CHRDL2: variants seen among roughly 807,000 people sequenced by gnomAD.
CHRDL2 encodes the protein chordin like 2, also known as chordin-like protein 2.
In CHRDL2, 41 loss-of-function variants were observed where a neutral mutation model predicts 54.3. The observed-to-expected ratio is 0.76, with a 90% CI of 0.59 to 0.98. The LOEUF is 0.98. CHRDL2 is among the 50% of genes least tolerant of loss of function. CHRDL2 has a pLI of 0.00. For synonymous variants in CHRDL2, 220 were observed against 224.3 expected (o/e 0.98, Z 0.17); for missense variants, 518 against 562.4 (o/e 0.92, Z 0.80).
intron 2 of CHRDL2, among the ~76,000 whole-genome samples, chr11:74,717,138 G>A (rs59246084): frequency 0.022 from 3,360 of 152,110 alleles, 116 homozygotes; most frequent in African/African-American, 0.077. Context: ...TCACTGCCGC[G>A]TGGAGGATGG....
At chr11:74,710,781 C>G (rs2034162878) in intron 4 of CHRDL2, 68 bp downstream of exon 4, 5 of 1,560,186 alleles carry the variant, frequency 3.2e-6, no homozygotes, top group Non-Finnish European at 4.3e-6. Context: ...AGTCCGCAGT[C>G]CAGGCTACTA....
At chr11:74,712,201 C>G (rs1179352534) in intron 3 of CHRDL2, among the ~76,000 whole-genome samples, 1 of 151,840 alleles carries the variant, frequency 6.6e-6, no homozygotes, top group Non-Finnish European at 1.5e-5. Flanking sequence ...CAGGTGAGGG[C>G]TAGGGTGGAT....
rs778830985 is a variant in CHRDL2 at position 74,704,647 on chromosome 11, G to T, written c.590C>A (p.Pro197His). Residue 197 changes from proline to histidine, a missense_variant, in exon 7 of 11, where the codon CCT (proline) becomes CAT (histidine). Coordinates refer to ENST00000376332, the MANE Select transcript of CHRDL2 (RefSeq NM_001278473.3). The stretch of plus-strand genomic sequence containing the variant: ...AGCATCACTGGAACATGGATCCTGA[G>T]GATGTCTCTGCAAATGGCAGGAAGG... ...SVQSLHGVRH[P>H]QDPCSSDAGR... 38 of 1,606,296 alleles carry T rather than the reference G, an allele frequency of 2.4e-5. No homozygotes were observed. Among genetic ancestry groups the T allele is most frequent in the African/African-American group, 5.4e-5 (4 of 74,656 alleles).
chr11:74,706,448 C>A, intron 6 of CHRDL2, 39 bp downstream of exon 6: 2 of 1,604,592 alleles, frequency 1.2e-6, no homozygotes, highest in Non-Finnish European at 1.7e-6. Context: ...GGATCCCAGC[C>A]CCCTGTCCCG....
intron 4 of CHRDL2, among the ~76,000 whole-genome samples, chr11:74,709,276 T>A (rs367632016): frequency 9.2e-5 from 14 of 152,184 alleles, no homozygotes; most frequent in African/African-American, 3.4e-4. Flanking sequence ...CCCCTCCTCA[T>A]CCAGGCCTCA....
intron 2 of CHRDL2, among the ~76,000 whole-genome samples, chr11:74,716,902 G>C (rs1290003068): frequency 1.3e-5 from 2 of 152,162 alleles, no homozygotes; most frequent in Non-Finnish European, 2.9e-5. Context: ...AGACCAACCT[G>C]GGCAACCTGA....
chr11:74,715,571 C>T lies in CHRDL2; in HGVS notation c.196-2092G>A, dbSNP rs567913210. Among the ~76,000 whole-genome samples, 7 of 149,688 alleles carry T rather than the reference C, an allele frequency of 4.7e-5. No individual in the cohort carries two copies. In the South Asian group the frequency reaches 1.5e-3, roughly 32 times the overall value. On this transcript the variant is annotated intron_variant, in intron 2 of 10. Coordinates refer to ENST00000376332, the MANE Select transcript of CHRDL2 (RefSeq NM_001278473.3). ...TGAGCCGAGATTACGACATGGCACT[C>T]CAGCCTGGGCGACAGAGCGAGACTC...
At chr11:74,711,053 A>C in intron 3 of CHRDL2, 62 bp from the exon 4 acceptor site, 2 of 1,539,836 alleles carry the variant, frequency 1.3e-6, no homozygotes, top group South Asian at 2.4e-5. Flanking sequence ...CTTTGCTGAA[A>C]TTAACAAGGC....
rs560356247 is a variant in CHRDL2 at position 74,710,764 on chromosome 11, T to C, written c.432+85A>G. On this transcript the variant is annotated intron_variant, in intron 4 of 10. Coordinates refer to ENST00000376332, the MANE Select transcript of CHRDL2 (RefSeq NM_001278473.3). ...ATTTTGCTTTGGCCAGGAGGAACAATCCCCCCAGTCCGCAGTCCAGGCTAC... is the reference window on the plus strand; with the variant it reads ...ATTTTGCTTTGGCCAGGAGGAACAACCCCCCCAGTCCGCAGTCCAGGCTAC... 4.1e-5 allele frequency: 60 copies of C among 1,477,934 alleles called. 1 individual carries two copies. The highest frequency in any genetic ancestry group is 5.2e-5 in the Non-Finnish European group (58 of 1,104,784). 91.6% of individuals were successfully genotyped at this position (1,477,934 alleles called of 1,614,324 possible).
At chr11:74,723,495 T>C (rs1335522749) in intron 1 of CHRDL2, among the ~76,000 whole-genome samples, 3 of 152,234 alleles carry the variant, frequency 2.0e-5, no homozygotes, top group Non-Finnish European at 2.9e-5. Context: ...AAACTCACTA[T>C]ACCATTTTTT....
chr11:74,696,628 G>T, intron 10 of CHRDL2, 43 bp from the exon 11 acceptor site: 1 of 1,449,538 alleles, frequency 6.9e-7, no homozygotes, highest in Non-Finnish European at 9.7e-7. Flanking sequence ...GTATGTGTCT[G>T]CACGTGCACA....
Position 74,696,545 on chromosome 11 carries a change from C to T in CHRDL2, c.1254G>A (p.Lys418=), listed in dbSNP as rs1282494158. The T allele has an allele frequency of 1.2e-6, 2 of 1,614,012 alleles. No individual in the cohort carries two copies. The highest frequency in any genetic ancestry group is 2.7e-5 in the African/African-American group (2 of 74,928). Residue 418 remains lysine, a synonymous_variant, in exon 11 of 11, where the codon AAG becomes AAA. Transcript: ENST00000376332. ...TCACTTTGTCTGGACTGGCCGTGACCTTCAGCTCCAGGGTCTGGGCTAGGA... is the reference window on the plus strand; with the variant it reads ...TCACTTTGTCTGGACTGGCCGTGACTTTCAGCTCCAGGGTCTGGGCTAGGA... ...NVFLAQTLEL[K]VTASPDKVTK... is the part of the protein sequence containing the mutation.
chr11:74,706,155 A>G (rs2034002617), intron 6 of CHRDL2, among the ~76,000 whole-genome samples: 1 of 152,140 alleles, frequency 6.6e-6, no homozygotes, highest in South Asian at 2.1e-4. Flanking sequence ...TTCCCTGGGA[A>G]GAAGGTTGCC....
chr11:74,697,288 T>G lies in CHRDL2; in HGVS notation c.1130A>C (p.His377Pro), dbSNP rs1301404673. 6.2e-7 allele frequency: 1 copy of G among 1,613,388 alleles called. No individual in the cohort carries two copies. The highest frequency in any genetic ancestry group is 1.3e-5 in the African/African-American group (1 of 74,892). Residue 377 changes from histidine to proline, a missense_variant, in exon 10 of 11, where the codon CAC (histidine) becomes CCC (proline). By Grantham distance (77) the His-to-Pro change is moderately conservative (BLOSUM62 -2). Transcript: ENST00000376332. Reference sequence around the variant, plus strand: ...CCTGACTTTCTTGATCTGAGTCAAGTGGAAGATTCCTGAGGGCAGAGACAA... The same window carrying G: ...CCTGACTTTCTTGATCTGAGTCAAGGGGAAGATTCCTGAGGGCAGAGACAA... ...YLWKLVKGIFHLTQIKKVRKQ... is the reference protein window; with the variant it reads ...YLWKLVKGIFPLTQIKKVRKQ...
At chr11:74,714,372 C>T (rs1291776892) in intron 2 of CHRDL2, among the ~76,000 whole-genome samples, 2 of 152,158 alleles carry the variant, frequency 1.3e-5, no homozygotes, top group South Asian at 2.1e-4. Context: ...ATGGTCCTCT[C>T]CTAGATGAAG....
chr11:74,709,100 A>G (rs537541797), intron 4 of CHRDL2, among the ~76,000 whole-genome samples: 1 of 152,346 alleles, frequency 6.6e-6, no homozygotes, highest in South Asian at 2.1e-4. Flanking sequence ...GGGTCTGAGA[A>G]GTGAGTGTTC....
Position 74,730,971 on chromosome 11 carries a change from C to T in CHRDL2, c.-83G>A. On this transcript the variant is annotated 5_prime_UTR_variant, in exon 1 of 11. The change creates a new upstream start codon in the 5' untranslated region. Coordinates refer to ENST00000376332, the MANE Select transcript of CHRDL2 (RefSeq NM_001278473.3). ...AAAGGACACGGAGGCACAGGGGCCA[C>T]AGATCAACCCACAGACCCCAGGAGG... is the stretch of plus-strand genomic sequence containing the variant. 1 of 1,150,288 alleles carries T rather than the reference C, an allele frequency of 8.7e-7. No individual in the cohort carries two copies. The highest frequency in any genetic ancestry group is 1.2e-6 in the Non-Finnish European group (1 of 800,376). 71.3% of individuals were successfully genotyped at this position (1,150,288 alleles called of 1,614,324 possible).
At chr11:74,698,801 G>C (rs1418112557) in intron 9 of CHRDL2, 1 of 152,298 alleles carries the variant, frequency 6.6e-6, no homozygotes, top group African/African-American at 2.4e-5. Flanking sequence ...ATCTCATGGG[G>C]TGCTGGCCAC....
chr11:74,720,669 T>G (rs555832581), intron 1 of CHRDL2, among the ~76,000 whole-genome samples: 2 of 152,196 alleles, frequency 1.3e-5, no homozygotes, highest in African/African-American at 4.8e-5. Context: ...TCACATTCTC[T>G]TAGACTTTGA....
Sources: allele counts gnomAD v4.1 joint callset (sites outside exome capture counted in the v4.1 genomes callset), GRCh38; gene constraint gnomAD v4.1.1; transcripts MANE v1.5; gene names NCBI Gene and HGNC (gene_info 2026-07-23, HGNC 2026-07-21).